The following WAC variants were observed in gnomAD, a reference collection of about 807,000 sequenced individuals.
WAC encodes WW domain-containing adapter protein with coiled-coil.
In WAC, 11 loss-of-function variants were observed where a neutral mutation model predicts 79.6. The ratio of observed to expected loss-of-function variants is 0.14; its 90% confidence interval spans 0.09 to 0.23. The LOEUF (loss-of-function observed/expected upper bound fraction) is 0.23, where lower values mean the gene tolerates loss of function less well. WAC is among the 10% of genes least tolerant of loss of function. The pLI is 1.00. For synonymous variants in WAC, 304 were observed against 276.9 expected (o/e 1.10, Z -0.97); for missense variants, 728 against 773.5 (o/e 0.94, Z 0.70).
rs576731375 is a variant in WAC, at chr10:28,605,657, A to AT, written c.920-2521dup. 4.1e-4 allele frequency among the ~76,000 whole-genome samples: 62 copies of AT among 152,024 alleles called. No individual in the cohort carries two copies. In the East Asian group the frequency reaches 6.6e-3, roughly 16 times the overall value. ...TTATTTTTTGTTAATGATGATGTGT[A>AT]TTTTTTTTATTTTGGAGTATTTTCC... On this transcript the variant is annotated intron_variant, in intron 7 of 13. Transcript: ENST00000354911.
chr10:28,544,041 C>G (rs1337567235), intron 3 of WAC, among the ~76,000 whole-genome samples: 2 of 152,248 alleles, frequency 1.3e-5, no homozygotes, highest in Middle Eastern at 3.4e-3. Flanking sequence ...CACTGCCACG[C>G]CCAGCTAATT....
intron 9 of WAC, 152 bp from the exon 10 acceptor site, chr10:28,611,622 T>G: frequency 8.1e-7 from 1 of 1,228,394 alleles, no homozygotes; most frequent in Non-Finnish European, 1.1e-6. Flanking sequence ...GAAGGTCAGA[T>G]TCTGATTTAT....
chr10:28,610,348 A>G (rs1306914108), intron 8 of WAC, among the ~76,000 whole-genome samples: 3 of 152,154 alleles, frequency 2.0e-5, no homozygotes, highest in Admixed American at 6.5e-5. Context: ...AGTTAATTCC[A>G]TATAACATAC....
chr10:28,541,416 T>G (rs1280838524), intron 3 of WAC, among the ~76,000 whole-genome samples: 1 of 36,786 alleles, frequency 2.7e-5, no homozygotes, highest in African/African-American at 1.2e-4. Context: ...TGTGTGTGTG[T>G]TTTGTTTTTT....
At position 28,591,056 on chromosome 10, in the gene WAC, C is replaced by A. The variant is rs955138399; in HGVS notation, c.610+224C>A. The A allele has an allele frequency of 9.1e-6, 4 of 441,334 alleles. No homozygotes were observed. In the South Asian group the frequency reaches 1.0e-4, roughly 11 times the overall value. 27.3% of individuals were successfully genotyped at this position (441,334 alleles called of 1,614,324 possible). ...ATGTGTTTCCCACTACACATTATGG[C>A]TATAATGGAGTTGAATTGCAAACAG... On this transcript the variant is annotated intron_variant, in intron 6 of 13. Coordinates refer to ENST00000354911, the MANE Select transcript of WAC (RefSeq NM_016628.5).
chr10:28,534,153 C>T (rs1257477522), intron 2 of WAC, 119 bp downstream of exon 2: 1 of 976,468 alleles, frequency 1.0e-6, no homozygotes, highest in Non-Finnish European at 1.5e-6. Context: ...ACATCTGAAA[C>T]TAGCACCGCG....
intron 4 of WAC, among the ~76,000 whole-genome samples, chr10:28,587,666 A>G (rs954067938): frequency 6.6e-6 from 1 of 152,254 alleles, no homozygotes; most frequent in Non-Finnish European, 1.5e-5. Flanking sequence ...TGTAAAAATT[A>G]TCCCATAATT....
chr10:28,533,771 C>CGGGCGGGA, intron 1 of WAC, 151 bp downstream of exon 1: 1 of 575,284 alleles, frequency 1.7e-6, no homozygotes, highest in African/African-American at 2.0e-5. Flanking sequence ...CGCGGGCGGG[C>CGGGCGGGA]GGGCGGGAAC....
chr10:28,594,913 G>A (rs1333193035), intron 6 of WAC, among the ~76,000 whole-genome samples: 2 of 152,150 alleles, frequency 1.3e-5, no homozygotes, highest in African/African-American at 4.8e-5. Context: ...CTGTTTTGTG[G>A]AATCATGGTG....
rs770082486 is a variant in WAC at position 28,611,762 on chromosome 10, C to T, written c.1289-12C>T. ...GTTTTTCTTTAAAATTAATTGCTTC[C>T]CTCTTTTACAGCCCAGCCATCTAAT... On this transcript the variant is annotated splice_polypyrimidine_tract_variant and intron_variant, in intron 9 of 13. Coordinates refer to ENST00000354911, the MANE Select transcript of WAC (RefSeq NM_016628.5). 1.7e-5 allele frequency: 28 copies of T among 1,601,054 alleles called. No individual in the cohort carries two copies. The highest frequency in any genetic ancestry group is 2.2e-5 in the Non-Finnish European group (26 of 1,176,728).
chr10:28,605,318 CA>C (rs1564414769), intron 7 of WAC, among the ~76,000 whole-genome samples: 2 of 152,120 alleles, frequency 1.3e-5, no homozygotes, highest in Non-Finnish European at 2.9e-5. Context: ...AGAACTTCTA[CA>C]AGTTGTTAGA....
chr10:28,571,769 C>T (rs1350548307), intron 3 of WAC, among the ~76,000 whole-genome samples: 2 of 152,184 alleles, frequency 1.3e-5, no homozygotes, highest in Non-Finnish European at 2.9e-5. Context: ...TACTTGGAGA[C>T]ACCTATGTGT....
intron 3 of WAC, among the ~76,000 whole-genome samples, chr10:28,538,866 T>TA (rs5784069): frequency 0.037 from 4,659 of 126,846 alleles, 144 homozygotes; most frequent in African/African-American, 0.085. Flanking sequence ...CCCGTCTGTT[T>TA]AAAAAAAAAA....
chr10:28,580,775 A>G (rs1839492894), intron 3 of WAC, among the ~76,000 whole-genome samples: 3 of 152,326 alleles, frequency 2.0e-5, no homozygotes, highest in Middle Eastern at 3.4e-3. Flanking sequence ...ATTTCAGCAT[A>G]GATCTCATGT....
intron 3 of WAC, among the ~76,000 whole-genome samples, chr10:28,579,963 T>C (rs1419522002): frequency 2.1e-5 from 3 of 146,280 alleles, no homozygotes; most frequent in Non-Finnish European, 1.5e-5. Flanking sequence ...ATTTGAAATC[T>C]GTTTAAGAAT....
At chr10:28,541,833 A>G (rs1837068295) in intron 3 of WAC, among the ~76,000 whole-genome samples, 1 of 152,008 alleles carries the variant, frequency 6.6e-6, no homozygotes, top group African/African-American at 2.4e-5. Context: ...TCTGGCTACC[A>G]CCTTTTCTTA....
Position 28,533,562 on chromosome 10 carries a change from C to T in WAC, c.-18C>T, listed in dbSNP as rs377277393. On this transcript the variant is annotated 5_prime_UTR_variant, in exon 1 of 14. Coordinates refer to ENST00000354911, the MANE Select transcript of WAC (RefSeq NM_016628.5). ...CGCTCTCCCCCCTCCCCGACACACA[C>T]TCACAGGCCGGGCATTGATGGTAAT... 4.5e-6 allele frequency: 7 copies of T among 1,541,426 alleles called. No homozygotes were observed. The highest frequency in any genetic ancestry group is 4.3e-5 in the African/African-American group (3 of 70,040).
chr10:28,614,464 C>G, intron 10 of WAC, 103 bp from the exon 11 acceptor site: 4 of 147,972 alleles, frequency 2.7e-5, no homozygotes, highest in Non-Finnish European at 3.0e-5. Context: ...AGTTTCAGAA[C>G]TTGACTGCCA....
intron 3 of WAC, among the ~76,000 whole-genome samples, chr10:28,576,479 G>C (rs1354414534): frequency 6.6e-6 from 1 of 152,168 alleles, no homozygotes; most frequent in Admixed American, 6.5e-5. Flanking sequence ...TGTCAGTGGT[G>C]AGATTTTTCC....
Sources: allele counts gnomAD v4.1 joint callset (sites outside exome capture counted in the v4.1 genomes callset), GRCh38; gene constraint gnomAD v4.1.1; transcripts MANE v1.5; gene names NCBI Gene and HGNC (gene_info 2026-07-23, HGNC 2026-07-21).